ELP4: variants seen among roughly 807,000 people sequenced by gnomAD.
ELP4 encodes elongator complex protein 4.
ELP4 carries 51 observed loss-of-function variants against 48.9 expected under a neutral mutation model. The observed-to-expected ratio is 1.04, with a 90% confidence interval of 0.83 to 1.32. The LOEUF (loss-of-function observed/expected upper bound fraction) is 1.32, where lower values mean the gene tolerates loss of function less well. Among genes scored for constraint, ELP4 ranks in the 40% most tolerant of loss-of-function variants. ELP4 has a pLI of 0.00. For synonymous variants in ELP4, 210 were observed against 189.2 expected (o/e 1.11, Z -0.90); for missense variants, 519 against 514.6 (o/e 1.01, Z -0.08).
intron 3 of ELP4, chr11:31,573,559 G>A (rs577660260): frequency 2.6e-5 from 4 of 152,210 alleles, no homozygotes; most frequent in East Asian, 1.9e-4. Context: ...TTCTCACTGT[G>A]TGTTCACATG....
intron 9 of ELP4, among the ~76,000 whole-genome samples, chr11:31,681,018 GT>G (rs1185338868): frequency 6.6e-6 from 1 of 152,116 alleles, no homozygotes; most frequent in Non-Finnish European, 1.5e-5. Flanking sequence ...CTGAGGTTAA[GT>G]TTTCTTGGTG....
rs192361338 is a variant in ELP4 at position 31,772,423 on chromosome 11, A to G, written c.1144-10970A>G. ...GCGTGAGCCAACGCACCCGGCCTAA[A>G]TTATCTTCTTTTTTTTGTTTGCCCT... On this transcript the variant is annotated intron_variant, in intron 9 of 9. Coordinates refer to ENST00000640961, the MANE Select transcript of ELP4 (RefSeq NM_019040.5). Among the ~76,000 whole-genome samples, 21 of 152,230 alleles carry G rather than the reference A, an allele frequency of 1.4e-4. No homozygotes were observed. In the East Asian group the frequency reaches 2.7e-3, roughly 20 times the overall value.
intron 2 of ELP4, among the ~76,000 whole-genome samples, chr11:31,523,314 A>G (rs941393557): frequency 2.0e-5 from 3 of 152,222 alleles, no homozygotes; most frequent in Non-Finnish European, 4.4e-5. Context: ...GTATTACTAT[A>G]TTGCTCATCA....
chr11:31,655,051 T>G (rs1181433725), intron 9 of ELP4, among the ~76,000 whole-genome samples: 1 of 152,046 alleles, frequency 6.6e-6, no homozygotes, highest in African/African-American at 2.4e-5. Context: ...ATCTATTCAT[T>G]TAGATTAAAT....
At chr11:31,537,531 GA>G (rs1296096902) in intron 2 of ELP4, among the ~76,000 whole-genome samples, 1 of 152,190 alleles carries the variant, frequency 6.6e-6, no homozygotes, top group East Asian at 1.9e-4. Context: ...AATTTGTAAA[GA>G]AAATAGGTTT....
chr11:31,576,929 G>C (rs1284595340), intron 3 of ELP4, among the ~76,000 whole-genome samples: 1 of 151,954 alleles, frequency 6.6e-6, no homozygotes, highest in Non-Finnish European at 1.5e-5. Flanking sequence ...GAAGGTAAGA[G>C]ATAACTAAGA....
chr11:31,735,183 A>G (rs1003606642), intron 9 of ELP4, among the ~76,000 whole-genome samples: 2 of 151,752 alleles, frequency 1.3e-5, no homozygotes, highest in African/African-American at 4.8e-5. Context: ...ACACGCACAA[A>G]AAAAAGAGAT....
intron 3 of ELP4, among the ~76,000 whole-genome samples, chr11:31,548,718 C>CT (rs1229522275): frequency 6.6e-6 from 1 of 152,124 alleles, no homozygotes; most frequent in East Asian, 1.9e-4. Context: ...AGGCATCATG[C>CT]TACCTGACTT....
At chr11:31,574,904 G>A (rs529178611) in intron 3 of ELP4, among the ~76,000 whole-genome samples, 16 of 152,290 alleles carry the variant, frequency 1.1e-4, no homozygotes, top group East Asian at 3.9e-4. Flanking sequence ...GCAGCTCCTC[G>A]CCAGCAACAG....
At chr11:31,744,279 T>C (rs1053126369) in intron 9 of ELP4, among the ~76,000 whole-genome samples, 1 of 151,914 alleles carries the variant, frequency 6.6e-6, no homozygotes, top group African/African-American at 2.4e-5. Context: ...AAGCTCAGGA[T>C]CAGATGGATT....
At chr11:31,775,733 G>A (rs938605137) in intron 9 of ELP4, among the ~76,000 whole-genome samples, 1 of 152,134 alleles carries the variant, frequency 6.6e-6, no homozygotes, top group Non-Finnish European at 1.5e-5. Context: ...TTGGGAGGCT[G>A]AGATGGGCGG....
intron 2 of ELP4, among the ~76,000 whole-genome samples, chr11:31,526,848 T>C (rs1207337806): frequency 6.6e-6 from 1 of 152,026 alleles, no homozygotes; most frequent in Non-Finnish European, 1.5e-5. Context: ...CATACTCAAA[T>C]CTATTTTTAA....
At chr11:31,744,385 C>G (rs1280293385) in intron 9 of ELP4, among the ~76,000 whole-genome samples, 3 of 152,216 alleles carry the variant, frequency 2.0e-5, no homozygotes, top group Admixed American at 6.5e-5. Context: ...CTCCCTAACT[C>G]ATTTTATGAG....
intron 9 of ELP4, among the ~76,000 whole-genome samples, chr11:31,721,982 C>A (rs1391664845): frequency 6.6e-6 from 1 of 152,130 alleles, no homozygotes; most frequent in Non-Finnish European, 1.5e-5. Context: ...TTATTATGTA[C>A]CCACAGCAGC....
At chr11:31,719,102 T>A (rs1291674790) in intron 9 of ELP4, among the ~76,000 whole-genome samples, 1 of 151,874 alleles carries the variant, frequency 6.6e-6, no homozygotes. Context: ...CTACGCATAA[T>A]TTAAAAATTA....
At chr11:31,778,508 A>G (rs1440058798) in intron 9 of ELP4, among the ~76,000 whole-genome samples, 1 of 152,204 alleles carries the variant, frequency 6.6e-6, no homozygotes, top group African/African-American at 2.4e-5. Context: ...GTTATACCAT[A>G]TGTACTTTTA....
intron 9 of ELP4, among the ~76,000 whole-genome samples, chr11:31,661,745 A>G (rs548491727): frequency 3.9e-5 from 6 of 152,192 alleles, no homozygotes; most frequent in East Asian, 1.9e-4. Context: ...GATGCTTAAT[A>G]TATTTCTAAG....
chr11:31,648,061 C>A, intron 8 of ELP4: 1 of 376,136 alleles, frequency 2.7e-6, no homozygotes, highest in Non-Finnish European at 4.9e-6. Context: ...GAGTCAAACC[C>A]AAGTACTGAG....
intron 3 of ELP4, among the ~76,000 whole-genome samples, chr11:31,562,325 A>G (rs2133943921): frequency 6.6e-6 from 1 of 152,336 alleles, no homozygotes; most frequent in Non-Finnish European, 1.5e-5. Flanking sequence ...TACATAATAC[A>G]GATTTCCATT....
Sources: allele counts gnomAD v4.1 joint callset (sites outside exome capture counted in the v4.1 genomes callset), GRCh38; gene constraint gnomAD v4.1.1; transcripts MANE v1.5; gene names NCBI Gene and HGNC (gene_info 2026-07-23, HGNC 2026-07-21).